Variants in RIPOR3 observed in about 807,000 individuals in gnomAD.
The protein encoded by RIPOR3 is family with sequence similarity 65 member C.
A neutral mutation model predicts 114.3 loss-of-function variants in RIPOR3; 95 were observed. The ratio of observed to expected loss-of-function variants is 0.83; its 90% CI spans 0.70 to 0.99. The LOEUF is 0.99. RIPOR3 is among the 50% of genes least tolerant of loss of function. The pLI is 0.00. For missense variants in RIPOR3, 1,252 were observed against 1,266.9 expected (o/e 0.99, Z 0.18); for synonymous variants, 575 against 543.8 (o/e 1.06, Z -0.80).
intron 4 of RIPOR3, among the ~76,000 whole-genome samples, chr20:50,613,173 T>C (rs1053296072): frequency 1.3e-5 from 2 of 151,630 alleles, no homozygotes; most frequent in Non-Finnish European, 2.9e-5. Context: ...ACAGGATGGG[T>C]GTGGTGGCTC....
chr20:50,608,271 C>G lies in RIPOR3; in HGVS notation c.956+118G>C, dbSNP rs547839648. 141 of 1,437,724 alleles carry G rather than the reference C, an allele frequency of 9.8e-5. 1 individual carries two copies. In the South Asian group the frequency reaches 1.7e-3, roughly 17 times the overall value. The allele number at this position is 1,437,724 out of a possible 1,614,324, so 89.1% of individuals were successfully genotyped here. On this transcript the variant is annotated intron_variant, in intron 11 of 21. Transcript: ENST00000327979. ...TGGGAGTGAGGGACAGATGAGGACC[C>G]GTGAGGGCAGGGACACCCTTGGCAG...
At chr20:50,622,344 G>C (rs2084444540) in intron 2 of RIPOR3, among the ~76,000 whole-genome samples, 2 of 152,036 alleles carry the variant, frequency 1.3e-5, no homozygotes, top group Non-Finnish European at 2.9e-5. Flanking sequence ...ACCATACCTG[G>C]ATAATTTTTG....
intron 18 of RIPOR3, among the ~76,000 whole-genome samples, 162 bp downstream of exon 18, chr20:50,592,870 TATC>T (rs933716431): frequency 2.6e-5 from 4 of 152,234 alleles, no homozygotes; most frequent in African/African-American, 9.6e-5. Flanking sequence ...TTGGAGCTAA[TATC>T]AGCCCCCATC....
intron 18 of RIPOR3, 26 bp from the exon 19 acceptor site, chr20:50,592,572 C>G (rs1221945633): frequency 6.8e-7 from 1 of 1,461,668 alleles, no homozygotes; most frequent in East Asian, 2.5e-5. Context: ...GAGGTGGGCC[C>G]AGGTCCCCTG....
chr20:50,599,932 G>A (rs528384548), intron 13 of RIPOR3, among the ~76,000 whole-genome samples: 1 of 151,530 alleles, frequency 6.6e-6, no homozygotes, highest in Non-Finnish European at 1.5e-5. Flanking sequence ...AGAGAGTCTC[G>A]CTCTGTTGCC....
chr20:50,634,828 T>C (rs550147102), intron 1 of RIPOR3, among the ~76,000 whole-genome samples: 1 of 152,330 alleles, frequency 6.6e-6, no homozygotes, highest in African/African-American at 2.4e-5. Context: ...AGGTCAAGAA[T>C]TCAAGATCAG....
At chr20:50,605,574 G>A (rs956868890) in intron 11 of RIPOR3, among the ~76,000 whole-genome samples, 4 of 152,054 alleles carry the variant, frequency 2.6e-5, no homozygotes, top group African/African-American at 4.8e-5. Flanking sequence ...TTCGAGACCA[G>A]CCTCCATAAC....
intron 19 of RIPOR3, 64 bp from the exon 20 acceptor site, chr20:50,589,833 C>T (rs2083054121): frequency 6.8e-7 from 1 of 1,467,810 alleles, no homozygotes; most frequent in South Asian, 1.2e-5. Flanking sequence ...GGTTCCGGGT[C>T]CATCAGCCAC....
At chr20:50,666,189 T>TTTCTCTTC (rs2086197555) in intron 1 of RIPOR3, among the ~76,000 whole-genome samples, 1 of 20,922 alleles carries the variant, frequency 4.8e-5, no homozygotes, top group African/African-American at 7.5e-5. Flanking sequence ...ACCCATTTCT[T>TTTCTCTTC]TTCTTTTCTT....
At chr20:50,636,435 G>A (rs989502284) in intron 1 of RIPOR3, 1 of 461,410 alleles carries the variant, frequency 2.2e-6, no homozygotes. Flanking sequence ...AGGTCCCTGG[G>A]GAGGCATCAG....
At chr20:50,592,948 T>A in intron 18 of RIPOR3, 87 bp downstream of exon 18, 1 of 1,498,588 alleles carries the variant, frequency 6.7e-7, no homozygotes. Flanking sequence ...ATGGATGTAG[T>A]GGTTCTGAAT....
chr20:50,657,075 T>A (rs532789050), intron 1 of RIPOR3, among the ~76,000 whole-genome samples: 23 of 152,322 alleles, frequency 1.5e-4, no homozygotes, highest in African/African-American at 5.5e-4. Context: ...CGAGAAAGAT[T>A]ACCTACAGAT....
chr20:50,593,213 G>C lies in RIPOR3; in HGVS notation c.2213-17C>G, dbSNP rs1333694443. On this transcript the variant is annotated splice_polypyrimidine_tract_variant and intron_variant, in intron 17 of 21. Transcript: ENST00000327979. ...TGCGGCACGCTGGCCAAAGGGGAGA[G>C]TACATCAGGAGAAACTGAGACCTCG... The C allele has an allele frequency of 1.2e-6, 2 of 1,607,752 alleles. No individual in the cohort carries two copies. The highest frequency in any genetic ancestry group is 1.7e-6 in the Non-Finnish European group (2 of 1,179,142).
At chr20:50,663,094 C>CAAA (rs35856275) in intron 1 of RIPOR3, among the ~76,000 whole-genome samples, 7 of 69,292 alleles carry the variant, frequency 1.0e-4, no homozygotes, top group Non-Finnish European at 1.2e-4. Context: ...GAGACTGTCT[C>CAAA]AAAAAAAAAA....
At chr20:50,604,882 A>T in intron 11 of RIPOR3, 108 bp from the exon 12 acceptor site, 1 of 1,320,570 alleles carries the variant, frequency 7.6e-7, no homozygotes, top group Non-Finnish European at 1.0e-6. Context: ...TCTTCATCTT[A>T]CAATACAATA....
intron 1 of RIPOR3, among the ~76,000 whole-genome samples, chr20:50,638,625 C>T (rs1173972266): frequency 2.0e-5 from 3 of 152,022 alleles, no homozygotes; most frequent in South Asian, 4.1e-4. Flanking sequence ...TGTCGGGGCG[C>T]CAGGTGGGAA....
In RIPOR3 at chr20:50,593,671, G is replaced by C. The variant is rs113342291; in HGVS notation, c.2213-475C>G. 4.1e-3 allele frequency among the ~76,000 whole-genome samples: 622 copies of C among 152,170 alleles called. 2 individuals carry two copies. The highest frequency in any genetic ancestry group is 0.014 in the African/African-American group (583 of 41,508). ...TGTGCCCAGCTAGAGTCAGGACTGTGACTCCAACTCACCCTGAGTCAGACC... is the reference window on the plus strand; with the variant it reads ...TGTGCCCAGCTAGAGTCAGGACTGTCACTCCAACTCACCCTGAGTCAGACC... On this transcript the variant is annotated intron_variant, in intron 17 of 21. Transcript: ENST00000327979.
chr20:50,597,478 C>T (rs1210326871), intron 14 of RIPOR3, 102 bp downstream of exon 14: 1 of 1,472,486 alleles, frequency 6.8e-7, no homozygotes, highest in Non-Finnish European at 9.2e-7. Context: ...GAGCCAAGGA[C>T]AGTGGGAGAA....
rs1198442144 is a variant in RIPOR3, at chr20:50,629,314, C to CCA, written c.122+1422_122+1423dup. ...GCTCTGGCTGGGGACCCCGACCTGT[C>CCA]CACCCCGTTGGCTCAGACAGACAGA... is the stretch of plus-strand genomic sequence containing the variant. On this transcript the variant is annotated intron_variant, in intron 2 of 21. Transcript: ENST00000327979. 3.3e-5 allele frequency among the ~76,000 whole-genome samples: 5 copies of CCA among 152,176 alleles called. No homozygotes were observed. The East Asian group carries it at 9.6e-4, about 29-fold the overall frequency.
Sources: allele counts gnomAD v4.1 joint callset (sites outside exome capture counted in the v4.1 genomes callset), GRCh38; gene constraint gnomAD v4.1.1; transcripts MANE v1.5; gene names NCBI Gene and HGNC (gene_info 2026-07-23, HGNC 2026-07-21).